The following FMNL1 variants were observed in gnomAD, a reference collection of about 807,000 sequenced individuals.
FMNL1 encodes the protein formin like 1.
In FMNL1, 43 loss-of-function variants were observed where a neutral mutation model predicts 121.3. That is an observed-to-expected ratio of 0.35 (90% CI 0.28 to 0.46). The LOEUF (loss-of-function observed/expected upper bound fraction) is 0.46, where lower values mean the gene tolerates loss of function less well. FMNL1 is among the 20% of genes least tolerant of loss of function. The pLI, the probability that FMNL1 is intolerant of heterozygous loss-of-function variation, is 1.00. For synonymous variants in FMNL1, 613 were observed against 613.5 expected, an observed-to-expected ratio of 1.00 and a Z score of 0.01; for missense variants, 1,191 against 1,482.4, an observed-to-expected ratio of 0.80 and a Z score of 3.23.
chr17:45,227,259 C>G, intron 1 of FMNL1, among the ~76,000 whole-genome samples: 2 of 152,240 alleles, frequency 1.3e-5, no homozygotes, highest in Non-Finnish European at 2.9e-5. Flanking sequence ...AAGTGAAACC[C>G]TAGGGTGTGG....
At chr17:45,246,064 C>G in intron 24 of FMNL1, 91 bp downstream of exon 24, 1 of 1,522,836 alleles carries the variant, frequency 6.6e-7, no homozygotes, top group South Asian at 1.3e-5. Context: ...CTCACTGTTA[C>G]AGACTGACCC....
chr17:45,236,221 C>T lies in FMNL1; in HGVS notation c.700C>T (p.Leu234=). 1 of 1,614,010 alleles carries T rather than the reference C, an allele frequency of 6.2e-7. No homozygotes were observed. The highest frequency in any genetic ancestry group is 8.5e-7 in the Non-Finnish European group (1 of 1,179,998). ...CGACGTCCACGTCTGTATTATGTGCCTACGCGCCATCATGAACTACCAGGT... is the reference window on the plus strand; with the variant it reads ...CGACGTCCACGTCTGTATTATGTGCTTACGCGCCATCATGAACTACCAGGT... ...KDDVHVCIMC[L]RAIMNYQSGF... Residue 234 remains leucine (L), a synonymous_variant, in exon 7 of 27, where the codon CTA becomes TTA. Transcript: ENST00000331495.
At chr17:45,244,327 C>G in intron 19 of FMNL1, 83 bp downstream of exon 19, 1 of 1,449,760 alleles carries the variant, frequency 6.9e-7, no homozygotes, top group Admixed American at 2.1e-5. Context: ...ACCTGCAATG[C>G]AACAAAGATA....
intron 23 of FMNL1, 22 bp downstream of exon 23, chr17:45,245,755 T>G: frequency 6.3e-7 from 1 of 1,589,184 alleles, no homozygotes; most frequent in African/African-American, 1.4e-5. Flanking sequence ...TGGGGCAGGC[T>G]GGGAGCCCTG....
chr17:45,240,110 G>A (rs964404472), intron 11 of FMNL1, among the ~76,000 whole-genome samples: 2 of 152,210 alleles, frequency 1.3e-5, no homozygotes, highest in Non-Finnish European at 2.9e-5. Context: ...TGCTTTATAT[G>A]AAATGTCCAG....
chr17:45,223,202 G>A (rs1162948922), intron 1 of FMNL1, among the ~76,000 whole-genome samples: 1 of 152,166 alleles, frequency 6.6e-6, no homozygotes, highest in Admixed American at 6.5e-5. Context: ...CTGGACGCTG[G>A]GTGACAGGCA....
chr17:45,245,165 G>A (rs2043800973), intron 21 of FMNL1, 57 bp downstream of exon 21: 1 of 1,610,268 alleles, frequency 6.2e-7, no homozygotes, highest in Non-Finnish European at 8.5e-7. Context: ...GGGTAGGTTG[G>A]GAGAAAGCTA....
chr17:45,245,904 G>GA lies in FMNL1; in HGVS notation c.3027dup (p.Glu1010ArgfsTer10). On this transcript the variant is annotated frameshift_variant, in exon 24 of 27. Coordinates refer to ENST00000331495, the MANE Select transcript of FMNL1 (RefSeq NM_005892.4). LOFTEE classifies it high-confidence loss of function. Reference sequence around the variant, plus strand: ...AAGCTGAGCAGGAGGTGGAACAGTGGAAAAAAGAAGCCGCTGCCCAGGAGG... The same window carrying GA: ...AAGCTGAGCAGGAGGTGGAACAGTGGAAAAAAAGAAGCCGCTGCCCAGGAGG... 1 of 1,592,090 alleles carries GA rather than the reference G, an allele frequency of 6.3e-7. No individual in the cohort carries two copies. The highest frequency in any genetic ancestry group is 1.4e-5 in the African/African-American group (1 of 73,382).
intron 1 of FMNL1, among the ~76,000 whole-genome samples, chr17:45,223,888 C>T (rs2043280288): frequency 6.6e-6 from 1 of 152,156 alleles, no homozygotes; most frequent in South Asian, 2.1e-4. Context: ...AGGGGAAAAT[C>T]CACAAGTCAA....
rs1567973665 is a variant in FMNL1 at position 45,245,288 on chromosome 17, C to G, written c.2764C>G (p.Leu922Val). ...CAGTGTCCTGGCGGACGTGCGCTCC[C>G]TGCAGCGAGGCCTAGAGTTGACACA... Reference protein sequence around the residue: ...LDSVLADVRSLQRGLELTQRE... With the variant: ...LDSVLADVRSVQRGLELTQRE... Residue 922 changes from leucine to valine, a missense_variant, in exon 22 of 27, where the codon CTG (leucine) becomes GTG (valine). Around this residue, in one of 4 missense-constraint regions of FMNL1, gnomAD observed 367 missense variants for 528.6 expected, o/e 0.69. Coordinates refer to ENST00000331495, the MANE Select transcript of FMNL1 (RefSeq NM_005892.4). 2 of 1,614,206 alleles carry G rather than the reference C, an allele frequency of 1.2e-6. No homozygotes were observed. Among genetic ancestry groups the G allele is most frequent in the Non-Finnish European group, 1.7e-6 (2 of 1,180,022 alleles).
Position 45,222,043 on chromosome 17 carries a change from C to T in FMNL1, c.-82C>T, listed in dbSNP as rs2043236305. On this transcript the variant is annotated 5_prime_UTR_variant, in exon 1 of 27. Coordinates refer to ENST00000331495, the MANE Select transcript of FMNL1 (RefSeq NM_005892.4). ...CAGCCGCTGCCCCCTCGCCCCCGCC[C>T]GGGCCGGGAGCCTCGTCCCCGTCCC... The T allele has an allele frequency of 6.4e-6, 7 of 1,087,840 alleles. No individual in the cohort carries two copies. Among genetic ancestry groups the T allele is most frequent in the South Asian group, 4.4e-5 (1 of 22,656 alleles). The allele number at this position is 1,087,840 out of a possible 1,614,324, so 67.4% of individuals were successfully genotyped here.
rs530324471 is a variant in FMNL1, at chr17:45,243,152, A to G, written c.2045A>G (p.Lys682Arg). ...ATGAGTGATTTTGAGGAACAGTTCA[A>G]GACCAAGTCCCAAGGCCCCAGCCTG... ...LDMSDFEEQFKTKSQGPSLDL... is the reference protein window; with the variant it reads ...LDMSDFEEQFRTKSQGPSLDL... The change falls in exon 17 of 27, where the codon AAG becomes AGG. Residue 682 changes from lysine to arginine, a missense_variant. By Grantham distance (26) the Lys-to-Arg change is conservative. Coordinates refer to ENST00000331495, the MANE Select transcript of FMNL1 (RefSeq NM_005892.4). The G allele has an allele frequency of 3.3e-5, 54 of 1,614,246 alleles. 3 individuals carry two copies. The South Asian group carries it at 5.6e-4, about 17-fold the overall frequency.
In FMNL1 at chr17:45,241,702, G is replaced by A; in HGVS notation, c.1585+68G>A. ...TGGAGGGGAGCCCAGGGGCATCTGT[G>A]GCGGGCAGAGTTGGGCGAGGGAGGT... On this transcript the variant is annotated intron_variant, in intron 14 of 26. Transcript: ENST00000331495. The surrounding 1 kb of genome is among the most constrained non-coding windows in gnomAD (Gnocchi z 7.0). 6.9e-7 allele frequency: 1 copy of A among 1,443,064 alleles called. No individual in the cohort carries two copies. The highest frequency in any genetic ancestry group is 9.1e-7 in the Non-Finnish European group (1 of 1,102,614). 89.4% of individuals were successfully genotyped at this position (1,443,064 alleles called of 1,614,324 possible). A position where few individuals can be genotyped will look rare whatever the true frequency, so the allele number is the denominator to read the frequency against.
chr17:45,243,165 A>G lies in FMNL1; in HGVS notation c.2058A>G (p.Gln686=), dbSNP rs1333052954. 1 of 1,614,250 alleles carries G rather than the reference A, an allele frequency of 6.2e-7. No individual in the cohort carries two copies. The highest frequency in any genetic ancestry group is 2.2e-5 in the East Asian group (1 of 44,892). Reference sequence around the variant, plus strand: ...AGGAACAGTTCAAGACCAAGTCCCAAGGCCCCAGCCTGGACCTCAGCGCTC... The same window carrying G: ...AGGAACAGTTCAAGACCAAGTCCCAGGGCCCCAGCCTGGACCTCAGCGCTC... The part of the protein sequence containing the change: ...DFEEQFKTKS[Q]GPSLDLSALK... Residue 686 remains glutamine, a synonymous_variant, in exon 17 of 27, where the codon CAA becomes CAG. Coordinates refer to ENST00000331495, the MANE Select transcript of FMNL1 (RefSeq NM_005892.4).
chr17:45,231,624 G>T lies in FMNL1; in HGVS notation c.214-743G>T, dbSNP rs182200947. ...GGGTTGGAAGGGTGGGGGCCCCTCT[G>T]GGGAGGGGTCTTTGCCGTGGTCCCT... On this transcript the variant is annotated intron_variant, in intron 2 of 26. Coordinates refer to ENST00000331495, the MANE Select transcript of FMNL1 (RefSeq NM_005892.4). This position sits in a 1 kb window ranked among gnomAD's most constrained non-coding sequence, Gnocchi z 4.7. 6.6e-6 allele frequency among the ~76,000 whole-genome samples: 1 copy of T among 152,254 alleles called. No homozygotes were observed. Among genetic ancestry groups the T allele is most frequent in the African/African-American group, 2.4e-5 (1 of 41,542 alleles).
chr17:45,244,440 C>G (rs969411926), intron 19 of FMNL1, among the ~76,000 whole-genome samples, 196 bp downstream of exon 19: 1 of 152,248 alleles, frequency 6.6e-6, no homozygotes. Flanking sequence ...ACCTGGGACC[C>G]TGCCGGAGGG....
Position 45,237,192 on chromosome 17 carries a change from C to A in FMNL1, c.724-89C>A. 2 of 1,225,994 alleles carry A rather than the reference C, an allele frequency of 1.6e-6. No homozygotes were observed. Among genetic ancestry groups the A allele is most frequent in the Non-Finnish European group, 2.4e-6 (2 of 837,160 alleles). The allele number at this position is 1,225,994 out of a possible 1,614,324, so 75.9% of individuals were successfully genotyped here. A position where few individuals can be genotyped will look rare whatever the true frequency, so the allele number is the denominator to read the frequency against. On this transcript the variant is annotated intron_variant, in intron 7 of 26. Coordinates refer to ENST00000331495, the MANE Select transcript of FMNL1 (RefSeq NM_005892.4). This position sits in a 1 kb window ranked among gnomAD's most constrained non-coding sequence, Gnocchi z 4.4. Reference sequence around the variant, plus strand: ...GGTTGGATACAAAGAACTTCCTAAACTCGAGGGCAGTTAAAGATCCACGTG... The same window carrying A: ...GGTTGGATACAAAGAACTTCCTAAAATCGAGGGCAGTTAAAGATCCACGTG...
intron 6 of FMNL1, 140 bp downstream of exon 6, chr17:45,234,340 CAGAG>C: frequency 7.0e-7 from 1 of 1,429,238 alleles, no homozygotes; most frequent in South Asian, 1.2e-5. Flanking sequence ...GGGACTCATA[CAGAG>C]TTTGGGACAC....
rs1424565170 is a variant in FMNL1, at chr17:45,240,595, C to T, written c.1200C>T (p.His400=). 1.2e-6 allele frequency: 2 copies of T among 1,613,832 alleles called. No individual in the cohort carries two copies. Among genetic ancestry groups the T allele is most frequent in the African/African-American group, 2.7e-5 (2 of 75,026 alleles). Residue 400 remains histidine (H), a synonymous_variant, in exon 12 of 27, where the codon CAC becomes CAT. Transcript: ENST00000331495. ...DTETKNAVLE[H]MEELQEQVAL... ...AGACCAAGAACGCTGTGCTGGAGCA[C>T]ATGGAGGAACTGCAGGAGCAAGTGG...
Sources: allele counts gnomAD v4.1 joint callset (sites outside exome capture counted in the v4.1 genomes callset), GRCh38; gene constraint gnomAD v4.1.1; regional missense constraint gnomAD v4.1.1; non-coding constraint Gnocchi (gnomAD v3.1); transcripts MANE v1.5; gene names NCBI Gene and HGNC (gene_info 2026-07-23, HGNC 2026-07-21).